Variants in PERP observed in about 807,000 individuals in gnomAD.
PERP encodes the protein p53 apoptosis effector related to PMP-22.
Under a neutral mutation model 20.3 loss-of-function variants are expected in PERP, and 11 were observed. That is an observed-to-expected ratio of 0.54 (90% CI 0.34 to 0.90). The LOEUF (loss-of-function observed/expected upper bound fraction) is 0.90, where lower values mean the gene tolerates loss of function less well. Ranked by LOEUF, PERP falls within the 40% of genes least tolerant of loss-of-function variation. The pLI is 0.02. For synonymous variants in PERP, 101 were observed against 102.0 expected (o/e 0.99, Z 0.06); for missense variants, 224 against 249.4 (o/e 0.90, Z 0.69).
In PERP at chr6:138,107,335, G is replaced by A; in HGVS notation, c.6C>T (p.Ile2=). The change falls in exon 1 of 3, where the codon ATC becomes ATT. Residue 2 remains isoleucine (I), a synonymous_variant. Transcript: ENST00000421351. The surrounding 1 kb of genome is among the most constrained non-coding windows in gnomAD (Gnocchi z 4.8). M[I]RCGLACERCR... is the part of the protein sequence containing the mutation. The stretch of plus-strand genomic sequence containing the variant: ...AGCGCTCGCAGGCCAGGCCGCAGCG[G>A]ATCATGTTGACGGGCGGCGCGGGGC... 1 of 1,594,844 alleles carries A rather than the reference G, an allele frequency of 6.3e-7. No homozygotes were observed. Among genetic ancestry groups the A allele is most frequent in the Non-Finnish European group, 8.5e-7 (1 of 1,174,142 alleles).
At chr6:138,101,614 T>C (rs1000333480) in intron 1 of PERP, among the ~76,000 whole-genome samples, 2 of 152,162 alleles carry the variant, frequency 1.3e-5, no homozygotes, top group African/African-American at 4.8e-5. Flanking sequence ...CTTTCCAGAA[T>C]ACAGGATTCA....
chr6:138,096,643 A>G, intron 1 of PERP, 149 bp from the exon 2 acceptor site: 1 of 842,036 alleles, frequency 1.2e-6, no homozygotes, highest in Middle Eastern at 2.8e-4. Context: ...ATACTTGAGC[A>G]TCTCCATATT....
At chr6:138,101,951 C>A (rs1367711361) in intron 1 of PERP, among the ~76,000 whole-genome samples, 1 of 152,206 alleles carries the variant, frequency 6.6e-6, no homozygotes, top group African/African-American at 2.4e-5. Flanking sequence ...GGACGTCCAA[C>A]AACCACCCAG....
At chr6:138,100,501 G>A (rs987941942) in intron 1 of PERP, among the ~76,000 whole-genome samples, 4 of 151,628 alleles carry the variant, frequency 2.6e-5, no homozygotes, top group South Asian at 2.1e-4. Flanking sequence ...TATCTAATAC[G>A]AACACAAGTT....
Position 138,091,744 on chromosome 6 carries a change from G to T in PERP, c.*298C>A. ...TCATTTTTACCTTATAAAGTGTTAA[G>T]TTTCACGTGCATATTCTCTTACAAA... On this transcript the variant is annotated 3_prime_UTR_variant, in exon 3 of 3. Transcript: ENST00000421351. 4.3e-6 allele frequency: 1 copy of T among 233,904 alleles called. No homozygotes were observed. The highest frequency in any genetic ancestry group is 2.3e-5 in the African/African-American group (1 of 43,570). The allele number at this position is 233,904 out of a possible 1,614,324, so 14.5% of individuals were successfully genotyped here.
intron 1 of PERP, among the ~76,000 whole-genome samples, chr6:138,102,728 T>G (rs1013768551): frequency 2.0e-5 from 3 of 152,198 alleles, no homozygotes; most frequent in Admixed American, 1.3e-4. Flanking sequence ...CTTTTAAAAA[T>G]TATTAAATCA....
intron 1 of PERP, among the ~76,000 whole-genome samples, chr6:138,102,101 G>A (rs930076339): frequency 6.6e-6 from 1 of 152,364 alleles, no homozygotes; most frequent in Middle Eastern, 3.4e-3. Flanking sequence ...TCAACAGAGA[G>A]ATGGCAGGGA....
intron 1 of PERP, among the ~76,000 whole-genome samples, chr6:138,106,075 C>A (rs1775836074): frequency 6.6e-6 from 1 of 152,024 alleles, no homozygotes; most frequent in African/African-American, 2.4e-5. Context: ...GGTTGGAAGC[C>A]CTGGGCCACT....
At position 138,096,492 on chromosome 6, in the gene PERP, A is replaced by G. The variant is rs761277852; in HGVS notation, c.217T>C (p.Trp73Arg). The change falls in exon 2 of 3, where the codon TGG (tryptophan) becomes CGG (arginine). Residue 73 changes from tryptophan (W) to arginine (R), a missense_variant and splice_region_variant. Coordinates refer to ENST00000421351, the MANE Select transcript of PERP (RefSeq NM_022121.5). ...EGCQSLMEYA[W>R]GRAAAAMLFC... is the part of the protein sequence containing the mutation. ...AGCATGGCAGCCGCTGCTCTACCCCACGCTGCAAGAAAAAAAGAAACAGCA... is the reference window on the plus strand; with the variant it reads ...AGCATGGCAGCCGCTGCTCTACCCCGCGCTGCAAGAAAAAAAGAAACAGCA... 1.2e-6 allele frequency: 2 copies of G among 1,605,644 alleles called. No individual in the cohort carries two copies. Among genetic ancestry groups the G allele is most frequent in the Non-Finnish European group, 1.7e-6 (2 of 1,177,074 alleles).
At chr6:138,096,646 TC>T in intron 1 of PERP, 152 bp from the exon 2 acceptor site, 1 of 835,320 alleles carries the variant, frequency 1.2e-6, no homozygotes, top group Non-Finnish European at 1.8e-6. Flanking sequence ...CTTGAGCATC[TC>T]CATATTTTAA....
rs1207377949 is a variant in PERP at position 138,089,747 on chromosome 6, C to A, written c.*2295G>T. On this transcript the variant is annotated 3_prime_UTR_variant, in exon 3 of 3. Transcript: ENST00000421351. ...CAACAAGGAATGGCAGATCTCTATA[C>A]TAGAACAAGGCTGAAGGAAGCAGAC... 1 of 152,134 alleles carries A rather than the reference C, an allele frequency of 6.6e-6. No homozygotes were observed. The highest frequency in any genetic ancestry group is 1.5e-5 in the Non-Finnish European group (1 of 68,026). The allele number at this position is 152,134 out of a possible 1,614,324, so 9.4% of individuals were successfully genotyped here.
At chr6:138,104,433 G>T (rs1322579559) in intron 1 of PERP, among the ~76,000 whole-genome samples, 1 of 152,112 alleles carries the variant, frequency 6.6e-6, no homozygotes, top group Non-Finnish European at 1.5e-5. Flanking sequence ...TAAACTGTCA[G>T]TAACAGTGAA....
Position 138,096,442 on chromosome 6 carries a change from C to A in PERP, c.267G>T (p.Val89=). Residue 89 remains valine, a synonymous_variant, in exon 2 of 3, where the codon GTG becomes GTT. Transcript: ENST00000421351. The part of the protein sequence containing the change: ...AMLFCGFIIL[V]ICFILSFFAL... ...CGAAGAAGGAGAGGATGAAACAGAT[C>A]ACCAGGATGATGAAGCCACAGAAGA... 6.2e-7 allele frequency: 1 copy of A among 1,613,946 alleles called. No homozygotes were observed. The highest frequency in any genetic ancestry group is 1.1e-5 in the South Asian group (1 of 91,056).
chr6:138,102,972 G>T (rs1002276466), intron 1 of PERP, among the ~76,000 whole-genome samples: 5 of 151,642 alleles, frequency 3.3e-5, no homozygotes, highest in African/African-American at 7.3e-5. Flanking sequence ...GGTGGCGGGC[G>T]CCTGTAGTCC....
rs551202068 is a variant in PERP at position 138,099,412 on chromosome 6, C to CT, written c.215-2919dup. ...AATAGTTAAATCAAATAAGCAAAAA[C>CT]TTTTTTTTAATTTTATGAGTTCAGA... On this transcript the variant is annotated intron_variant, in intron 1 of 2. Transcript: ENST00000421351. Among the ~76,000 whole-genome samples the CT allele has an allele frequency of 3.4e-4, 51 of 151,962 alleles. No homozygotes were observed. The South Asian group carries it at 9.4e-3, about 28-fold the overall frequency.
Position 138,096,508 on chromosome 6 carries a change from A to G in PERP, c.215-14T>C. 5.0e-6 allele frequency: 8 copies of G among 1,601,898 alleles called. No homozygotes were observed. The highest frequency in any genetic ancestry group is 6.8e-6 in the Non-Finnish European group (8 of 1,174,792). On this transcript the variant is annotated splice_polypyrimidine_tract_variant and intron_variant, in intron 1 of 2. Coordinates refer to ENST00000421351, the MANE Select transcript of PERP (RefSeq NM_022121.5). ...CTCTACCCCACGCTGCAAGAAAAAA[A>G]GAAACAGCAATTAACAAGACAGACA... is the stretch of plus-strand genomic sequence containing the variant.
chr6:138,101,574 C>T (rs1019560440), intron 1 of PERP, among the ~76,000 whole-genome samples: 2 of 152,160 alleles, frequency 1.3e-5, no homozygotes, highest in African/African-American at 4.8e-5. Context: ...CCTTATGACA[C>T]TAATGTGGCA....
intron 1 of PERP, among the ~76,000 whole-genome samples, chr6:138,100,542 TTGTGTGTGTGTGTGTG>T (rs58385691): frequency 4.1e-5 from 6 of 146,176 alleles, no homozygotes; most frequent in Non-Finnish European, 7.6e-5. Flanking sequence ...TATACCAGAT[TTGTGTGTGTGTGTGTG>T]TGTGTGTGTG....
At chr6:138,101,945 G>T (rs542556515) in intron 1 of PERP, among the ~76,000 whole-genome samples, 1 of 152,144 alleles carries the variant, frequency 6.6e-6, no homozygotes, top group Non-Finnish European at 1.5e-5. Flanking sequence ...GACACTGGAC[G>T]TCCAACAACC....
Sources: gnomAD v4.1 joint callset for allele counts (sites outside exome capture counted in the v4.1 genomes callset) on GRCh38, gnomAD v4.1.1 for gene constraint, Gnocchi (gnomAD v3.1) non-coding constraint, MANE v1.5 for transcripts, NCBI Gene and HGNC (gene_info 2026-07-23, HGNC 2026-07-21) for gene names.